PCDH15: variants seen among roughly 807,000 people sequenced by gnomAD.
PCDH15 encodes the protein protocadherin related 15.
PCDH15 carries 129 observed loss-of-function variants against 178.5 expected under a neutral mutation model. The observed-to-expected ratio is 0.72, with a 90% CI of 0.63 to 0.84. The LOEUF (loss-of-function observed/expected upper bound fraction) is 0.84, where lower values mean the gene tolerates loss of function less well. Ranked by LOEUF, PCDH15 falls within the 40% of genes least tolerant of loss-of-function variation. The pLI is 0.00. For synonymous variants in PCDH15, 800 were observed against 732.0 expected, an observed-to-expected ratio of 1.09 and a Z score of -1.50; for missense variants, 2,230 against 2,099.9, an observed-to-expected ratio of 1.06 and a Z score of -1.21.
chr10:55,147,975 T>G (rs1838577654), intron 2 of PCDH15, among the ~76,000 whole-genome samples: 1 of 151,838 alleles, frequency 6.6e-6, no homozygotes, highest in South Asian at 2.1e-4. Flanking sequence ...AAATATAGTT[T>G]CCCAAAAGGG....
chr10:55,101,406 CT>C (rs5785115), intron 2 of PCDH15, among the ~76,000 whole-genome samples: 15,538 of 143,334 alleles, frequency 0.11, 991 homozygotes, highest in East Asian at 0.26. Flanking sequence ...AAAAAAAAAA[CT>C]TTTTTTTTTT....
intron 2 of PCDH15, among the ~76,000 whole-genome samples, chr10:55,013,064 C>T (rs959242087): frequency 6.6e-5 from 10 of 152,078 alleles, no homozygotes; most frequent in African/African-American, 2.4e-4. Context: ...GCGTTTATTG[C>T]CCCCAAGCTG....
chr10:55,347,197 A>T (rs542820807), intron 2 of PCDH15, among the ~76,000 whole-genome samples: 1 of 152,252 alleles, frequency 6.6e-6, no homozygotes, highest in African/African-American at 2.4e-5. Context: ...CCTGGGAAAT[A>T]GAGGGAGACT....
intron 2 of PCDH15, among the ~76,000 whole-genome samples, chr10:55,595,397 C>G (rs1842918106): frequency 6.6e-6 from 1 of 152,006 alleles, no homozygotes; most frequent in Non-Finnish European, 1.5e-5. Flanking sequence ...CACCTGGCCT[C>G]ATTTCAAAAG....
At chr10:54,393,240 A>T (rs1457408593) in intron 3 of PCDH15, among the ~76,000 whole-genome samples, 2 of 152,182 alleles carry the variant, frequency 1.3e-5, no homozygotes, top group African/African-American at 4.8e-5. Flanking sequence ...CAGCTTACAC[A>T]GTTGTTCAAT....
intron 2 of PCDH15, among the ~76,000 whole-genome samples, chr10:54,953,822 A>G (rs1838407675): frequency 1.3e-5 from 2 of 151,242 alleles, no homozygotes; most frequent in Admixed American, 1.3e-4. Flanking sequence ...GAAATATTTT[A>G]AACATTTTTA....
At position 53,910,028 on chromosome 10, in the gene PCDH15, C is replaced by T. The variant is rs186322330; in HGVS notation, c.3374-6658G>A. On this transcript the variant is annotated intron_variant, in intron 25 of 37. Transcript: ENST00000644397. Reference sequence around the variant, plus strand: ...GAAGCCCAAACTGGGAGGAGCCCACCGCAGCTCAACAAGGTCTGCTGCCTC... The same window carrying T: ...GAAGCCCAAACTGGGAGGAGCCCACTGCAGCTCAACAAGGTCTGCTGCCTC... Among the ~76,000 whole-genome samples, 174 of 152,228 alleles carry T rather than the reference C, an allele frequency of 1.1e-3. 2 individuals carry two copies. The highest frequency in any genetic ancestry group is 5.1e-3 in the Admixed American group (78 of 15,296).
At chr10:54,690,214 T>G (rs1248917914) in intron 1 of PCDH15, among the ~76,000 whole-genome samples, 1 of 152,150 alleles carries the variant, frequency 6.6e-6, no homozygotes, top group Admixed American at 6.6e-5. Flanking sequence ...GCACTGCCAG[T>G]GTATAAAAAT....
intron 9 of PCDH15, among the ~76,000 whole-genome samples, chr10:54,219,523 G>C (rs182373693): frequency 6.7e-6 from 1 of 148,344 alleles, no homozygotes; most frequent in Non-Finnish European, 1.5e-5. Flanking sequence ...AACCTGGGAG[G>C]TGGAGCTTGC....
intron 2 of PCDH15, among the ~76,000 whole-genome samples, chr10:55,135,574 C>CTTTTTTTTTTTTTTTTTTT (rs56956557): frequency 1.5e-5 from 1 of 68,220 alleles, no homozygotes; most frequent in East Asian, 4.6e-4. Context: ...TCTTTTCTTT[C>CTTTTTTTTTTTTTTTTTTT]TTTTTTTTTT....
At chr10:54,047,279 G>T (rs1306122576) in intron 18 of PCDH15, among the ~76,000 whole-genome samples, 5 of 150,820 alleles carry the variant, frequency 3.3e-5, no homozygotes, top group Admixed American at 3.3e-4. Context: ...ATCTTTGCCT[G>T]TCCCATGAGT....
chr10:55,499,179 C>T (rs536128948), intron 2 of PCDH15, among the ~76,000 whole-genome samples: 2 of 151,644 alleles, frequency 1.3e-5, no homozygotes, highest in South Asian at 4.2e-4. Context: ...ATAGCTTATC[C>T]AAACCCAGAC....
chr10:54,112,197 G>C (rs898181799), intron 15 of PCDH15, among the ~76,000 whole-genome samples: 3 of 151,810 alleles, frequency 2.0e-5, no homozygotes, highest in Admixed American at 2.0e-4. Flanking sequence ...TCATTCCTCT[G>C]GCGACCATAT....
At position 54,444,030 on chromosome 10, in the gene PCDH15, GA is replaced by G. The variant is rs557476061; in HGVS notation, c.158-65089del. Among the ~76,000 whole-genome samples the G allele has an allele frequency of 2.6e-5, 4 of 151,352 alleles. No homozygotes were observed. In the East Asian group the frequency reaches 5.8e-4, roughly 22 times the overall value. On this transcript the variant is annotated intron_variant, in intron 3 of 37. Transcript: ENST00000644397. ...TCCTTGAAATAATAGCATTGTGAGA[GA>G]AAAAAAATCTTCATTCTTTTTAAAA...
chr10:54,658,399 A>G (rs1022808891), intron 2 of PCDH15, among the ~76,000 whole-genome samples: 2 of 152,166 alleles, frequency 1.3e-5, no homozygotes, highest in Admixed American at 1.3e-4. Flanking sequence ...ACTATCTATA[A>G]AATGTAGTCC....
intron 2 of PCDH15, among the ~76,000 whole-genome samples, chr10:54,993,824 A>T (rs1441612046): frequency 6.6e-6 from 1 of 152,188 alleles, no homozygotes; most frequent in African/African-American, 2.4e-5. Flanking sequence ...TTACTGAATA[A>T]AATAAATTTT....
chr10:53,825,174 G>GTGA (rs765879078), intron 32 of PCDH15: 1 of 1,521,608 alleles, frequency 6.6e-7, no homozygotes, highest in Admixed American at 2.2e-5. Context: ...CAGAAAACAT[G>GTGA]TGATAGAAAA....
chr10:54,565,398 A>G (rs552428642), intron 2 of PCDH15, among the ~76,000 whole-genome samples: 23 of 152,244 alleles, frequency 1.5e-4, no homozygotes, highest in African/African-American at 5.1e-4. Flanking sequence ...AAGTATTTCT[A>G]CCCACTGAGG....
At chr10:54,426,784 T>C (rs1386089409) in intron 3 of PCDH15, among the ~76,000 whole-genome samples, 3 of 152,180 alleles carry the variant, frequency 2.0e-5, no homozygotes. Flanking sequence ...TACATTCACT[T>C]TTCCTGTTTT....
Sources: gnomAD v4.1 joint callset for allele counts (sites outside exome capture counted in the v4.1 genomes callset) on GRCh38, gnomAD v4.1.1 for gene constraint, MANE v1.5 for transcripts, NCBI Gene and HGNC (gene_info 2026-07-23, HGNC 2026-07-21) for gene names.